The following ADGRG2 variants were observed in gnomAD, a reference collection of about 807,000 sequenced individuals.
ADGRG2 encodes adhesion G protein-coupled receptor G2.
A neutral mutation model predicts 74.1 loss-of-function variants in ADGRG2; 26 were observed. That is an observed-to-expected ratio of 0.35 (90% confidence interval 0.26 to 0.49). ADGRG2 has a LOEUF of 0.49. Among genes scored for constraint, ADGRG2 ranks in the 20% least tolerant of loss-of-function variants. The pLI is 0.99. For synonymous variants in ADGRG2, 296 were observed against 295.2 expected (o/e 1.00, Z -0.03); for missense variants, 619 against 763.1 (o/e 0.81, Z 2.22).
intron 3 of ADGRG2, among the ~76,000 whole-genome samples, chrX:19,063,721 C>A (rs1268676685): frequency 9.0e-6 from 1 of 111,666 alleles, no homozygotes; most frequent in Non-Finnish European, 1.9e-5. Context: ...GAGTGTGACA[C>A]AAAGTGATAT....
intron 26 of ADGRG2, among the ~76,000 whole-genome samples, chrX:18,996,554 C>T (rs2060022054): frequency 9.1e-6 from 1 of 109,658 alleles, no homozygotes; most frequent in African/African-American, 3.3e-5. Flanking sequence ...CTGTCAAATG[C>T]CATCTCCTCC....
intron 18 of ADGRG2, among the ~76,000 whole-genome samples, 163 bp from the exon 19 acceptor site, chrX:19,008,286 C>T (rs964987252): frequency 9.0e-5 from 10 of 111,392 alleles, no homozygotes; most frequent in South Asian, 3.8e-4. Context: ...ATAATTAAAA[C>T]GCAGGGTTCT....
At chrX:19,030,620 G>T (rs2060805910) in intron 9 of ADGRG2, among the ~76,000 whole-genome samples, 1 of 111,990 alleles carries the variant, frequency 8.9e-6, no homozygotes, top group Non-Finnish European at 1.9e-5. Context: ...CTATGGAAAA[G>T]CTTGACAGAT....
intron 3 of ADGRG2, among the ~76,000 whole-genome samples, chrX:19,059,128 A>G (rs2061446742): frequency 9.0e-6 from 1 of 111,713 alleles, no homozygotes; most frequent in Non-Finnish European, 1.9e-5. Flanking sequence ...GGCTGCAGTG[A>G]GCCATGATTG....
chrX:19,042,281 A>G (rs7057563), intron 3 of ADGRG2, among the ~76,000 whole-genome samples: 2,945 of 111,476 alleles, frequency 0.026, 103 homozygotes, highest in African/African-American at 0.092. Flanking sequence ...TTCAATATGG[A>G]CTACCCTCAG....
At chrX:19,013,190 A>T (rs947246395) in intron 16 of ADGRG2, among the ~76,000 whole-genome samples, 1 of 110,764 alleles carries the variant, frequency 9.0e-6, no homozygotes, top group Non-Finnish European at 1.9e-5. Flanking sequence ...AGACCTGCCA[A>T]TTTTTTCTTT....
chrX:19,106,026 A>G (rs1175997464), intron 1 of ADGRG2, among the ~76,000 whole-genome samples: 1 of 110,286 alleles, frequency 9.1e-6, no homozygotes, highest in African/African-American at 3.3e-5. Flanking sequence ...CCCAGGAAAC[A>G]CAGATAGAAT....
intron 1 of ADGRG2, among the ~76,000 whole-genome samples, chrX:19,088,050 T>TG (rs1435098141): frequency 2.7e-5 from 3 of 111,138 alleles, no homozygotes; most frequent in African/African-American, 6.6e-5. Context: ...GTGGTCTGGG[T>TG]GAGGCAACCA....
At chrX:19,069,727 C>T (rs761441398) in intron 2 of ADGRG2, among the ~76,000 whole-genome samples, 1 of 111,019 alleles carries the variant, frequency 9.0e-6, no homozygotes, top group East Asian at 2.9e-4. Context: ...CGCAGATGGC[C>T]GAACTCCAGG....
intron 22 of ADGRG2, 112 bp downstream of exon 22, chrX:19,005,890 T>A: frequency 1.9e-6 from 1 of 520,406 alleles, no homozygotes; most frequent in South Asian, 2.9e-5. Flanking sequence ...AGCCACAATA[T>A]CATATCTGCT....
chrX:19,046,598 G>A (rs1299334041), intron 3 of ADGRG2, among the ~76,000 whole-genome samples: 2 of 112,531 alleles, frequency 1.8e-5, no homozygotes, highest in Non-Finnish European at 3.7e-5. Flanking sequence ...ACCCATGACA[G>A]GTAGTTCAAG....
chrX:19,047,233 T>C (rs1601984446), intron 3 of ADGRG2, among the ~76,000 whole-genome samples: 1 of 111,749 alleles, frequency 8.9e-6, no homozygotes, highest in Non-Finnish European at 1.9e-5. Context: ...TGAGCCCCCA[T>C]TGCCTACAGT....
chrX:19,061,903 T>C (rs2061495064), intron 3 of ADGRG2, among the ~76,000 whole-genome samples: 2 of 111,715 alleles, frequency 1.8e-5, no homozygotes, highest in African/African-American at 6.5e-5. Flanking sequence ...CAATGGCCTC[T>C]CCAGAGACCT....
intron 3 of ADGRG2, among the ~76,000 whole-genome samples, chrX:19,059,508 C>T (rs181334490): frequency 4.6e-4 from 51 of 111,442 alleles, no homozygotes; most frequent in African/African-American, 1.6e-3. Flanking sequence ...GAAGGTGCTT[C>T]GTCAACCGCA....
intron 3 of ADGRG2, among the ~76,000 whole-genome samples, chrX:19,067,055 A>C (rs1316750139): frequency 8.9e-6 from 1 of 111,971 alleles, no homozygotes; most frequent in East Asian, 2.8e-4. Flanking sequence ...AGGGAACATA[A>C]GGCCGATTCA....
chrX:19,083,056 T>C (rs1381371708), intron 1 of ADGRG2, among the ~76,000 whole-genome samples: 1 of 111,505 alleles, frequency 9.0e-6, no homozygotes, highest in African/African-American at 3.3e-5. Context: ...CAGGCTGGAG[T>C]GCAGTGGCAT....
chrX:19,015,822 T>C lies in ADGRG2; in HGVS notation c.711-1748A>G, dbSNP rs962205266. ...ATCTCTCAGGCTCCATTCCCTAAAC[T>C]GTACACTGTAGCAACCCACCTGGCC... On this transcript the variant is annotated intron_variant, in intron 15 of 28. Coordinates refer to ENST00000379869, the MANE Select transcript of ADGRG2 (RefSeq NM_001079858.3). Among the ~76,000 whole-genome samples, 4 of 112,521 alleles carry C rather than the reference T, an allele frequency of 3.6e-5. No individual in the cohort carries two copies. The South Asian group carries it at 1.5e-3, about 41-fold the overall frequency.
chrX:19,043,885 A>T (rs1195194033), intron 3 of ADGRG2, among the ~76,000 whole-genome samples: 3 of 110,223 alleles, frequency 2.7e-5, no homozygotes, highest in Non-Finnish European at 3.8e-5. Context: ...ATATCCAAGA[A>T]CTCATCCCTC....
intron 2 of ADGRG2, among the ~76,000 whole-genome samples, 152 bp from the exon 3 acceptor site, chrX:19,068,987 C>G (rs1027328397): frequency 8.9e-6 from 1 of 111,931 alleles, no homozygotes; most frequent in Non-Finnish European, 1.9e-5. Context: ...CAGTTGGGCA[C>G]TGGTGACAAC....
Sources: allele counts gnomAD v4.1 joint callset (sites outside exome capture counted in the v4.1 genomes callset), GRCh38; gene constraint gnomAD v4.1.1; transcripts MANE v1.5; gene names NCBI Gene and HGNC (gene_info 2026-07-23, HGNC 2026-07-21).